The following CAMK1 variants were observed in gnomAD, a reference collection of about 807,000 sequenced individuals.
CAMK1 encodes calcium/calmodulin dependent protein kinase I.
A neutral mutation model predicts 49.1 loss-of-function variants in CAMK1; 39 were observed. The ratio of observed to expected loss-of-function variants is 0.79; its 90% CI spans 0.62 to 1.04. CAMK1 has a LOEUF of 1.04. Among genes scored for constraint, CAMK1 ranks in the 50% least tolerant of loss-of-function variants. The probability of loss-of-function intolerance (pLI) is 0.00; values close to 1 mark genes in which losing one functional copy is unlikely to be tolerated. For synonymous variants in CAMK1, 192 were observed against 185.2 expected (o/e 1.04, Z -0.30); for missense variants, 457 against 472.2 (o/e 0.97, Z 0.30).
rs774836718 is a variant in CAMK1, at chr3:9,759,585, G to C, written c.825-10C>G. On this transcript the variant is annotated splice_polypyrimidine_tract_variant and intron_variant, in intron 9 of 11. Coordinates refer to ENST00000256460, the MANE Select transcript of CAMK1 (RefSeq NM_003656.5). ...TGTATCTCCTGCAATCCTAGGATGG[G>C]GTTATGTGGTGGGTTGCCTATGAGG... 5 of 1,614,056 alleles carry C rather than the reference G, an allele frequency of 3.1e-6. No individual in the cohort carries two copies. In the African/African-American group the frequency reaches 4.0e-5, roughly 13 times the overall value.
intron 3 of CAMK1, among the ~76,000 whole-genome samples, chr3:9,764,984 T>C (rs2078082593): frequency 1.3e-5 from 2 of 151,988 alleles, no homozygotes; most frequent in South Asian, 2.1e-4. Flanking sequence ...CCTAGCACTT[T>C]GGGAGGCCGA....
chr3:9,769,615 C>T (rs576608212), intron 1 of CAMK1, among the ~76,000 whole-genome samples: 1 of 152,338 alleles, frequency 6.6e-6, no homozygotes, highest in South Asian at 2.1e-4. Context: ...TCACACAGGC[C>T]CCCTTCTCTA....
chr3:9,763,050 AC>A lies in CAMK1; in HGVS notation c.292del (p.Val98CysfsTer32). On this transcript the variant is annotated frameshift_variant and splice_region_variant, in exon 5 of 12. Coordinates refer to ENST00000256460, the MANE Select transcript of CAMK1 (RefSeq NM_003656.5). LOFTEE classifies it high-confidence loss of function. ...GGHLYLIMQL[V>X]SGGELFDRIV... Reference sequence around the variant, plus strand: ...ACGGTCAAAGAGCTCCCCACCCGACACCCTGCAGCAGGGGATAGGGCAGTCT... The same window carrying A: ...ACGGTCAAAGAGCTCCCCACCCGACACCTGCAGCAGGGGATAGGGCAGTCT... The A allele has an allele frequency of 1.2e-6, 2 of 1,614,002 alleles. No individual in the cohort carries two copies. The highest frequency in any genetic ancestry group is 2.2e-5 in the South Asian group (2 of 91,078).
chr3:9,769,536 G>A (rs1444682287), intron 1 of CAMK1, among the ~76,000 whole-genome samples: 1 of 151,952 alleles, frequency 6.6e-6, no homozygotes, highest in Non-Finnish European at 1.5e-5. Flanking sequence ...AGTACACTCC[G>A]CAAGCCCCCC....
At chr3:9,760,413 A>G (rs2077798606) in intron 8 of CAMK1, 2 of 443,024 alleles carry the variant, frequency 4.5e-6, no homozygotes, top group South Asian at 4.6e-5. Context: ...GGGGAGAGGT[A>G]TTTTCAAATA....
rs1363075384 is a variant in CAMK1, at chr3:9,757,460, T to C, written c.*79A>G. On this transcript the variant is annotated 3_prime_UTR_variant, in exon 12 of 12. Transcript: ENST00000256460. This position sits in a 1 kb window ranked among gnomAD's most constrained non-coding sequence, Gnocchi z 4.5. ...TGAGGAGGGGACAGGGCAGAGAAAC[T>C]CCCGGTTCAGGGAGGGAAGGGGAGC... 1.9e-6 allele frequency: 3 copies of C among 1,602,286 alleles called. No homozygotes were observed. The highest frequency in any genetic ancestry group is 1.7e-6 in the Non-Finnish European group (2 of 1,172,360).
chr3:9,762,938 C>T lies in CAMK1; in HGVS notation c.405G>A (p.Leu135=), dbSNP rs907601422. 6.2e-7 allele frequency: 1 copy of T among 1,614,152 alleles called. No homozygotes were observed. Among genetic ancestry groups the T allele is most frequent in the Non-Finnish European group, 8.5e-7 (1 of 1,180,028 alleles). The change falls in exon 5 of 12, where the codon CTG becomes CTA. Residue 135 remains leucine (L), a synonymous_variant. Transcript: ENST00000256460. ...CCTTGAGATCCCGGTGTACAATGCC[C>T]AGGTCATGCAGGTATTTCACAGCAT... is the stretch of plus-strand genomic sequence containing the variant. The part of the protein sequence containing the change: ...VLDAVKYLHD[L]GIVHRDLKPE...
chr3:9,760,278 A>G, intron 8 of CAMK1: 1 of 197,466 alleles, frequency 5.1e-6, no homozygotes, highest in Non-Finnish European at 1.1e-5. Context: ...GTTGTTCTTG[A>G]CTAATCTCAG....
At chr3:9,766,185 G>A (rs1243771905) in intron 2 of CAMK1, 13 of 822,626 alleles carry the variant, frequency 1.6e-5, no homozygotes, top group Middle Eastern at 2.2e-4. Context: ...AGCTAATGGC[G>A]ATCATCTTTG....
intron 1 of CAMK1, among the ~76,000 whole-genome samples, chr3:9,768,564 G>A (rs770803409): frequency 6.6e-6 from 1 of 152,226 alleles, no homozygotes; most frequent in African/African-American, 2.4e-5. Flanking sequence ...TGGCTCCAGA[G>A]GCCCTAATGA....
intron 9 of CAMK1, 33 bp downstream of exon 9, chr3:9,759,639 C>A: frequency 6.2e-7 from 1 of 1,614,100 alleles, no homozygotes; most frequent in Non-Finnish European, 8.5e-7. Context: ...GCCCCAAATC[C>A]CGCCCCAGCT....
chr3:9,762,092 A>C, intron 5 of CAMK1: 1 of 216,984 alleles, frequency 4.6e-6, no homozygotes, highest in Non-Finnish European at 9.3e-6. Flanking sequence ...AGTCTGTATA[A>C]TCTCACCTAA....
intron 5 of CAMK1, chr3:9,761,992 G>A: frequency 2.0e-6 from 1 of 490,812 alleles, no homozygotes; most frequent in Non-Finnish European, 3.6e-6. Context: ...GCACTGTAAA[G>A]CCCTAAAGGA....
intron 8 of CAMK1, chr3:9,760,146 A>T (rs1200447278): frequency 4.9e-6 from 1 of 205,044 alleles, no homozygotes; most frequent in African/African-American, 2.3e-5. Context: ...TGGGAGGCTG[A>T]GGCAGAGAAT....
intron 1 of CAMK1, among the ~76,000 whole-genome samples, chr3:9,768,162 T>C (rs2078206686): frequency 3.9e-5 from 6 of 152,118 alleles, no homozygotes; most frequent in Middle Eastern, 3.4e-3. Context: ...CCAGAACCAG[T>C]GATGTCCCCG....
intron 3 of CAMK1, 144 bp downstream of exon 3, chr3:9,765,615 A>C (rs2078117834): frequency 1.0e-6 from 1 of 957,410 alleles, no homozygotes; most frequent in African/African-American, 1.6e-5. Flanking sequence ...CAACCCTGCC[A>C]AGTGGAAATT....
At chr3:9,760,096 T>C in intron 8 of CAMK1, 1 of 222,078 alleles carries the variant, frequency 4.5e-6, no homozygotes, top group Admixed American at 5.0e-5. Context: ...CAAAAAAAAT[T>C]AGCCGGGCAT....
At position 9,767,684 on chromosome 3, in the gene CAMK1, G is replaced by A. The variant is rs1316194280; in HGVS notation, c.66C>T (p.Phe22=). 6.2e-7 allele frequency: 1 copy of A among 1,614,008 alleles called. No homozygotes were observed. The highest frequency in any genetic ancestry group is 1.3e-5 in the African/African-American group (1 of 74,912). The part of the protein sequence containing the change: ...QAEDIRDIYD[F]RDVLGTGAFS... Reference sequence around the variant, plus strand: ...GGACTCACGTGCCCAGAACATCTCGGAAGTCGTAGATGTCTCTAATGTCCT... The same window carrying A: ...GGACTCACGTGCCCAGAACATCTCGAAAGTCGTAGATGTCTCTAATGTCCT... The change falls in exon 2 of 12, where the codon TTC becomes TTT. Residue 22 remains phenylalanine (F), a synonymous_variant. Coordinates refer to ENST00000256460, the MANE Select transcript of CAMK1 (RefSeq NM_003656.5).
At chr3:9,766,457 C>T in intron 2 of CAMK1, 1 of 416,808 alleles carries the variant, frequency 2.4e-6, no homozygotes, top group African/African-American at 2.0e-5. Flanking sequence ...AATGCAAAAT[C>T]TCTACTGCTT....
Sources: allele counts gnomAD v4.1 joint callset (sites outside exome capture counted in the v4.1 genomes callset), GRCh38; gene constraint gnomAD v4.1.1; non-coding constraint Gnocchi (gnomAD v3.1); transcripts MANE v1.5; gene names NCBI Gene and HGNC (gene_info 2026-07-23, HGNC 2026-07-21).